Variants in RCC2 observed in about 807,000 individuals in gnomAD.
RCC2 encodes regulator of chromosome condensation 2, also known as protein RCC2.
RCC2 carries 19 observed loss-of-function variants against 64.1 expected under a neutral mutation model. The ratio of observed to expected loss-of-function variants is 0.30; its 90% CI spans 0.21 to 0.44. The LOEUF is 0.44. Among genes scored for constraint, RCC2 ranks in the 20% least tolerant of loss-of-function variants. The pLI, the probability that RCC2 is intolerant of heterozygous loss-of-function variation, is 1.00. For missense variants in RCC2, 508 were observed against 710.4 expected (o/e 0.72, Z 3.24); for synonymous variants, 325 against 279.6 (o/e 1.16, Z -1.62).
intron 7 of RCC2, among the ~76,000 whole-genome samples, chr1:17,417,856 A>T (rs1007167272): frequency 2.6e-5 from 4 of 152,066 alleles, no homozygotes; most frequent in African/African-American, 9.7e-5. Flanking sequence ...CACAGGTTCA[A>T]CCAACAGTGG....
chr1:17,424,484 C>G (rs1459309251), intron 4 of RCC2, among the ~76,000 whole-genome samples: 1 of 152,144 alleles, frequency 6.6e-6, no homozygotes, highest in African/African-American at 2.4e-5. Flanking sequence ...TCTATGCCAA[C>G]CGGGAGAAAA....
chr1:17,414,858 G>A (rs541955065), intron 8 of RCC2, among the ~76,000 whole-genome samples: 1 of 151,986 alleles, frequency 6.6e-6, no homozygotes, highest in Non-Finnish European at 1.5e-5. Context: ...GGTCTCAAAT[G>A]ATCTGCCCAC....
intron 2 of RCC2, among the ~76,000 whole-genome samples, 165 bp from the exon 3 acceptor site, chr1:17,429,364 G>A (rs1273091597): frequency 6.6e-6 from 1 of 152,148 alleles, no homozygotes. Flanking sequence ...CTCCCTCATC[G>A]GCAAGTGGCA....
At chr1:17,418,682 C>T (rs1337601942) in intron 7 of RCC2, among the ~76,000 whole-genome samples, 1 of 152,028 alleles carries the variant, frequency 6.6e-6, no homozygotes, top group East Asian at 1.9e-4. Context: ...GTCTGAGGGT[C>T]CCCACTAAGA....
intron 2 of RCC2, among the ~76,000 whole-genome samples, chr1:17,430,472 T>C (rs573218228): frequency 1.6e-5 from 2 of 123,502 alleles, no homozygotes; most frequent in Non-Finnish European, 3.2e-5. Context: ...TTAGGTGACA[T>C]AGCCAGGCCT....
intron 2 of RCC2, among the ~76,000 whole-genome samples, chr1:17,434,716 T>C (rs1005979355): frequency 3.3e-5 from 5 of 152,156 alleles, no homozygotes; most frequent in Non-Finnish European, 5.9e-5. Flanking sequence ...AGGTGGATAG[T>C]GTCAAGAGAT....
At chr1:17,436,108 T>A (rs2075733098) in intron 2 of RCC2, among the ~76,000 whole-genome samples, 1 of 152,180 alleles carries the variant, frequency 6.6e-6, no homozygotes, top group Non-Finnish European at 1.5e-5. Flanking sequence ...ATGTAGCTTT[T>A]AGAGTCCTGC....
At chr1:17,426,759 C>CT (rs146347066) in intron 3 of RCC2, among the ~76,000 whole-genome samples, 3,578 of 109,088 alleles carry the variant, frequency 0.033, 125 homozygotes, top group Non-Finnish European at 0.044. Flanking sequence ...TCTTACTTTT[C>CT]TTTTTTTTTT....
At chr1:17,427,301 A>G (rs1326777867) in intron 3 of RCC2, among the ~76,000 whole-genome samples, 1 of 152,152 alleles carries the variant, frequency 6.6e-6, no homozygotes, top group East Asian at 1.9e-4. Flanking sequence ...GTGTGGGGGC[A>G]AGTGGGCAAG....
At chr1:17,429,316 C>T (rs2075650095) in intron 2 of RCC2, 117 bp from the exon 3 acceptor site, 3 of 761,200 alleles carry the variant, frequency 3.9e-6, no homozygotes, top group African/African-American at 3.4e-5. Flanking sequence ...CTTATGTCAC[C>T]TGTGACCTCC....
chr1:17,416,321 C>G (rs980621159), intron 8 of RCC2, among the ~76,000 whole-genome samples, 159 bp downstream of exon 8: 1 of 152,042 alleles, frequency 6.6e-6, no homozygotes, highest in Non-Finnish European at 1.5e-5. Flanking sequence ...GCCCTGGGAC[C>G]AAGGACCCTT....
At chr1:17,436,497 ACT>A (rs1193305271) in intron 2 of RCC2, among the ~76,000 whole-genome samples, 5 of 151,614 alleles carry the variant, frequency 3.3e-5, no homozygotes, top group Admixed American at 2.6e-4. Flanking sequence ...ATAGAGGGAG[ACT>A]CTGCCTCAAA....
intron 7 of RCC2, among the ~76,000 whole-genome samples, chr1:17,417,164 G>A (rs112883787): frequency 0.011 from 1,623 of 152,282 alleles, 12 homozygotes; most frequent in Admixed American, 0.018. Context: ...TAACCTAAAC[G>A]TATGGTTACG....
At chr1:17,436,462 C>T (rs1446280875) in intron 2 of RCC2, among the ~76,000 whole-genome samples, 2 of 152,140 alleles carry the variant, frequency 1.3e-5, no homozygotes, top group African/African-American at 2.4e-5. Flanking sequence ...GAGCTGAGAT[C>T]GTGCCACTGC....
At position 17,420,652 on chromosome 1, in the gene RCC2, G is replaced by A. The variant is rs544540213; in HGVS notation, c.859+62C>T. ...TAACACGTGTGTGCAGCCCCACACT[G>A]ATCTCTAGTTCTGAATATATACAGT... On this transcript the variant is annotated intron_variant, in intron 7 of 12. Coordinates refer to ENST00000375436, the MANE Select transcript of RCC2 (RefSeq NM_018715.4). The A allele has an allele frequency of 1.3e-5, 14 of 1,066,488 alleles. No homozygotes were observed. The African/African-American group carries it at 1.7e-4, about 13-fold the overall frequency. The allele number at this position is 1,066,488 out of a possible 1,614,324, so 66.1% of individuals were successfully genotyped here. A position where few individuals can be genotyped will look rare whatever the true frequency, so the allele number is the denominator to read the frequency against.
At chr1:17,427,177 A>G (rs1235950536) in intron 3 of RCC2, among the ~76,000 whole-genome samples, 2 of 152,228 alleles carry the variant, frequency 1.3e-5, no homozygotes, top group African/African-American at 2.4e-5. Context: ...AGGAACTGAT[A>G]AAAAGGCTAC....
chr1:17,437,603 C>T (rs920765860), intron 2 of RCC2, among the ~76,000 whole-genome samples: 1 of 152,036 alleles, frequency 6.6e-6, no homozygotes. Flanking sequence ...CTTCGGACCA[C>T]CGGCGGCAAA....
chr1:17,430,141 T>C (rs1289364895), intron 2 of RCC2, among the ~76,000 whole-genome samples: 1 of 152,228 alleles, frequency 6.6e-6, no homozygotes, highest in Non-Finnish European at 1.5e-5. Flanking sequence ...CTGCTATCAC[T>C]TTCCGCTCTT....
rs1323872379 is a variant in RCC2, at chr1:17,407,396, G to A, written c.*1694C>T. 1 of 152,268 alleles carries A rather than the reference G, an allele frequency of 6.6e-6. No individual in the cohort carries two copies. The highest frequency in any genetic ancestry group is 1.5e-5 in the Non-Finnish European group (1 of 68,076). The allele number at this position is 152,268 out of a possible 1,614,324, so 9.4% of individuals were successfully genotyped here. A position where few individuals can be genotyped will look rare whatever the true frequency, so the allele number is the denominator to read the frequency against. On this transcript the variant is annotated 3_prime_UTR_variant, in exon 13 of 13. Coordinates refer to ENST00000375436, the MANE Select transcript of RCC2 (RefSeq NM_018715.4). ...TCGCATGGAAGCTTACGTCAGAGAT[G>A]GTGGTTTTGGGGTGATTTGGACAAA...
Sources: gnomAD v4.1 joint callset for allele counts (sites outside exome capture counted in the v4.1 genomes callset) on GRCh38, gnomAD v4.1.1 for gene constraint, MANE v1.5 for transcripts, NCBI Gene and HGNC (gene_info 2026-07-23, HGNC 2026-07-21) for gene names.